Variants in SPSB4 observed in about 807,000 individuals in gnomAD.
SPSB4 encodes the protein SPRY domain-containing SOCS box protein 4.
SPSB4 carries 21 observed loss-of-function variants against 20.9 expected under a neutral mutation model. The ratio of observed to expected loss-of-function variants is 1.01; its 90% confidence interval spans 0.71 to 1.45. The LOEUF is 1.45. Ranked by LOEUF, SPSB4 falls within the 40% of genes most tolerant of loss-of-function variation. The probability of loss-of-function intolerance (pLI) is 0.00; values close to 1 mark genes in which losing one functional copy is unlikely to be tolerated. For missense variants in SPSB4, 399 were observed against 399.2 expected, an observed-to-expected ratio of 1.00 and a Z score of 0.00; for synonymous variants, 207 against 183.8, an observed-to-expected ratio of 1.13 and a Z score of -1.02.
chr3:141,061,734 CTTTCT>C (rs1384790515), intron 1 of SPSB4, among the ~76,000 whole-genome samples: 3 of 110,924 alleles, frequency 2.7e-5, no homozygotes, highest in African/African-American at 6.5e-5. Context: ...CCTTTTCTTT[CTTTCT>C]TTTTTTTTTT....
chr3:141,078,640 C>T (rs139810466), intron 2 of SPSB4, among the ~76,000 whole-genome samples: 9 of 152,244 alleles, frequency 5.9e-5, no homozygotes, highest in Non-Finnish European at 1.2e-4. Flanking sequence ...TCCATGCAAC[C>T]TAAGTACCAG....
chr3:141,076,560 T>C lies in SPSB4; in HGVS notation c.694+9762T>C, dbSNP rs184296424. Among the ~76,000 whole-genome samples, 465 of 152,340 alleles carry C rather than the reference T, an allele frequency of 3.1e-3. 2 individuals carry two copies. Among genetic ancestry groups the C allele is most frequent in the African/African-American group, 0.011 (449 of 41,586 alleles). On this transcript the variant is annotated intron_variant, in intron 2 of 2. Coordinates refer to ENST00000310546, the MANE Select transcript of SPSB4 (RefSeq NM_080862.3). ...AGGCTTGTCAGCACCCTATGCAGCATAGCTCATTTAATCTCCACGGGTGAG... is the reference window on the plus strand; with the variant it reads ...AGGCTTGTCAGCACCCTATGCAGCACAGCTCATTTAATCTCCACGGGTGAG...
At chr3:141,059,353 A>C (rs1271529731) in intron 1 of SPSB4, among the ~76,000 whole-genome samples, 1 of 152,206 alleles carries the variant, frequency 6.6e-6, no homozygotes, top group Non-Finnish European at 1.5e-5. Context: ...AAAGAAGTTT[A>C]GTTGGCTCAC....
At chr3:141,135,896 C>T (rs1379379156) in intron 2 of SPSB4, among the ~76,000 whole-genome samples, 1 of 152,030 alleles carries the variant, frequency 6.6e-6, no homozygotes, top group African/African-American at 2.4e-5. Context: ...TTTCTAGTTC[C>T]AGATCCCTGA....
intron 2 of SPSB4, among the ~76,000 whole-genome samples, chr3:141,084,654 T>C (rs1200798872): frequency 6.6e-6 from 1 of 152,178 alleles, no homozygotes; most frequent in African/African-American, 2.4e-5. Context: ...GGAGGGTCTG[T>C]GGTGTCTACT....
At chr3:141,072,924 C>T (rs1938033547) in intron 2 of SPSB4, among the ~76,000 whole-genome samples, 1 of 152,148 alleles carries the variant, frequency 6.6e-6, no homozygotes, top group South Asian at 2.1e-4. Context: ...ATCTTGTTTT[C>T]TCCCTTCAAT....
intron 2 of SPSB4, among the ~76,000 whole-genome samples, chr3:141,133,354 A>G (rs1440951371): frequency 6.6e-6 from 1 of 152,174 alleles, no homozygotes; most frequent in African/African-American, 2.4e-5. Flanking sequence ...GTTCTTGGTC[A>G]TGAACTTTTT....
At chr3:141,057,078 C>T (rs1187747026) in intron 1 of SPSB4, among the ~76,000 whole-genome samples, 1 of 152,244 alleles carries the variant, frequency 6.6e-6, no homozygotes, top group Admixed American at 6.5e-5. Flanking sequence ...TCCAGGAAAA[C>T]AGGCGTGAGA....
At chr3:141,138,127 T>G (rs1011314716) in intron 2 of SPSB4, among the ~76,000 whole-genome samples, 4 of 152,218 alleles carry the variant, frequency 2.6e-5, no homozygotes, top group African/African-American at 7.2e-5. Flanking sequence ...TTCATAGAGG[T>G]GTTTATAGTA....
chr3:141,136,318 T>G (rs1383667535), intron 2 of SPSB4, among the ~76,000 whole-genome samples: 1 of 152,338 alleles, frequency 6.6e-6, no homozygotes, highest in African/African-American at 2.4e-5. Flanking sequence ...TGGTTTCTTT[T>G]GCTGTGCAGA....
chr3:141,127,953 C>T (rs2107803542), intron 2 of SPSB4, among the ~76,000 whole-genome samples: 1 of 152,328 alleles, frequency 6.6e-6, no homozygotes, highest in African/African-American at 2.4e-5. Flanking sequence ...CCCACAGTCC[C>T]TCACTGGCTG....
intron 2 of SPSB4, among the ~76,000 whole-genome samples, chr3:141,127,093 T>G (rs1345242490): frequency 6.6e-6 from 1 of 152,236 alleles, no homozygotes; most frequent in Admixed American, 6.5e-5. Context: ...CAGTAGGACC[T>G]GAGTCTCCAG....
chr3:141,056,406 CTCCTCTCTTCCTCTCA>C (rs900419320), intron 1 of SPSB4, among the ~76,000 whole-genome samples: 2 of 152,242 alleles, frequency 1.3e-5, no homozygotes, highest in African/African-American at 4.8e-5. Flanking sequence ...TGCTCCCTTT[CTCCTCTCTTCCTCTCA>C]TCCTCTCTCC....
intron 2 of SPSB4, among the ~76,000 whole-genome samples, chr3:141,114,545 T>C (rs577459758): frequency 6.6e-6 from 1 of 152,308 alleles, no homozygotes; most frequent in South Asian, 2.1e-4. Flanking sequence ...CCCACTGTGC[T>C]GGCCCAGCAA....
chr3:141,137,562 C>G (rs1359120743), intron 2 of SPSB4, among the ~76,000 whole-genome samples: 1 of 152,168 alleles, frequency 6.6e-6, no homozygotes, highest in Non-Finnish European at 1.5e-5. Context: ...TGAATTTTGT[C>G]AAAGGCCTTT....
At chr3:141,080,420 C>T (rs1938209388) in intron 2 of SPSB4, 1 of 152,344 alleles carries the variant, frequency 6.6e-6, no homozygotes, top group African/African-American at 2.4e-5. Context: ...TAAGTCTCAA[C>T]TCTGTCCTGT....
intron 2 of SPSB4, among the ~76,000 whole-genome samples, chr3:141,134,056 C>CTTTTTTTTTTTT (rs1222303281): frequency 9.7e-5 from 6 of 61,632 alleles, no homozygotes; most frequent in African/African-American, 1.4e-4. Flanking sequence ...TTTCTTTTTT[C>CTTTTTTTTTTTT]TTTTTTTTTT....
rs181089317 is a variant in SPSB4 at position 141,052,603 on chromosome 3, T to C, written c.-154+611T>C. Among the ~76,000 whole-genome samples, 41 of 152,194 alleles carry C rather than the reference T, an allele frequency of 2.7e-4. No homozygotes were observed. In the East Asian group the frequency reaches 7.4e-3, roughly 27 times the overall value. Reference sequence around the variant, plus strand: ...CGGAGAGGTGGAAGTAAAGCACGGGTCACGCAATAGGCACCGGTGGCTGTT... The same window carrying C: ...CGGAGAGGTGGAAGTAAAGCACGGGCCACGCAATAGGCACCGGTGGCTGTT... On this transcript the variant is annotated intron_variant, in intron 1 of 2. Transcript: ENST00000310546.
intron 2 of SPSB4, among the ~76,000 whole-genome samples, chr3:141,079,498 C>T (rs567226738): frequency 6.6e-6 from 1 of 152,254 alleles, no homozygotes; most frequent in African/African-American, 2.4e-5. Context: ...ATTCCACTTT[C>T]CTCAATCACA....
Sources: gnomAD v4.1 joint callset for allele counts (sites outside exome capture counted in the v4.1 genomes callset) on GRCh38, gnomAD v4.1.1 for gene constraint, MANE v1.5 for transcripts, NCBI Gene and HGNC (gene_info 2026-07-23, HGNC 2026-07-21) for gene names.